NRG3: variants seen among roughly 807,000 people sequenced by gnomAD.
NRG3 encodes neuregulin 3.
Under a neutral mutation model 66.9 loss-of-function variants are expected in NRG3, and 31 were observed. That is an observed-to-expected ratio of 0.46 (90% CI 0.35 to 0.63). NRG3 has a LOEUF of 0.63. NRG3 is among the 20% of genes least tolerant of loss of function. The probability of loss-of-function intolerance (pLI) is 0.00; values close to 1 mark genes in which losing one functional copy is unlikely to be tolerated. For synonymous variants in NRG3, 393 were observed against 359.4 expected (o/e 1.09, Z -1.06); for missense variants, 910 against 878.9 (o/e 1.04, Z -0.45).
chr10:82,610,303 C>CAT (rs74503461), intron 2 of NRG3, among the ~76,000 whole-genome samples: 69,251 of 152,016 alleles, frequency 0.46, 17,478 homozygotes, highest in African/African-American at 0.66. Context: ...TGCAGAGACC[C>CAT]TCTTGCCGTG....
At chr10:82,465,374 G>A (rs1400650401) in intron 2 of NRG3, among the ~76,000 whole-genome samples, 1 of 152,206 alleles carries the variant, frequency 6.6e-6, no homozygotes, top group African/African-American at 2.4e-5. Flanking sequence ...CTCAGGAGAA[G>A]AGAGGACTTG....
chr10:82,811,403 C>A (rs912914390), intron 3 of NRG3, among the ~76,000 whole-genome samples: 2 of 152,156 alleles, frequency 1.3e-5, no homozygotes, highest in Admixed American at 1.3e-4. Flanking sequence ...GAAAGGGAGG[C>A]TTGTGGCGAC....
intron 2 of NRG3, among the ~76,000 whole-genome samples, chr10:82,725,435 A>G (rs373182210): frequency 2.5e-4 from 38 of 152,320 alleles, no homozygotes; most frequent in African/African-American, 7.5e-4. Flanking sequence ...TGAGCTCACT[A>G]TATCCCTTGT....
chr10:82,552,805 A>G (rs2044401091), intron 2 of NRG3, among the ~76,000 whole-genome samples: 1 of 152,174 alleles, frequency 6.6e-6, no homozygotes, highest in African/African-American at 2.4e-5. Context: ...AGACTTAGAG[A>G]AGTTAAGTGA....
intron 2 of NRG3, among the ~76,000 whole-genome samples, chr10:82,395,328 A>G (rs1009468557): frequency 4.6e-5 from 7 of 152,338 alleles, no homozygotes; most frequent in Middle Eastern, 3.4e-3. Flanking sequence ...AAGTAAGCAC[A>G]CAGAAAATTA....
At chr10:82,789,911 G>A (rs1283649296) in intron 3 of NRG3, among the ~76,000 whole-genome samples, 2 of 151,792 alleles carry the variant, frequency 1.3e-5, no homozygotes, top group Non-Finnish European at 2.9e-5. Context: ...AAACAATGTA[G>A]GAATTCAATA....
chr10:82,798,086 T>A (rs144335288), intron 3 of NRG3, among the ~76,000 whole-genome samples: 1,528 of 152,274 alleles, frequency 0.01, 30 homozygotes, highest in African/African-American at 0.035. Context: ...TGAGGCAATG[T>A]CTTTGAGAAC....
intron 1 of NRG3, among the ~76,000 whole-genome samples, chr10:81,982,449 AT>A (rs2060363933): frequency 6.6e-6 from 1 of 152,184 alleles, no homozygotes; most frequent in South Asian, 2.1e-4. Flanking sequence ...CTGCTTCCAC[AT>A]TTTTAGGTGT....
At chr10:82,073,535 T>C (rs1214267807) in intron 1 of NRG3, among the ~76,000 whole-genome samples, 1 of 152,132 alleles carries the variant, frequency 6.6e-6, no homozygotes, top group Non-Finnish European at 1.5e-5. Flanking sequence ...GTGACCTACA[T>C]TTTTGTCTCA....
Position 82,895,271 on chromosome 10 carries a change from A to G in NRG3, c.1054+29834A>G, listed in dbSNP as rs12246176. On this transcript the variant is annotated intron_variant, in intron 4 of 8. Coordinates refer to ENST00000372141, the MANE Select transcript of NRG3 (RefSeq NM_001010848.4). The stretch of plus-strand genomic sequence containing the variant: ...GCAGGGGGTGTGTCACTCATTTCAG[A>G]CCTCCAGCCCTTAGCACTGTTCCCC... Among the ~76,000 whole-genome samples, 249 of 152,010 alleles carry G rather than the reference A, an allele frequency of 1.6e-3. 2 individuals are homozygous for G. Among genetic ancestry groups the G allele is most frequent in the African/African-American group, 5.8e-3 (239 of 41,446 alleles).
At chr10:82,269,285 A>C (rs1236219131) in intron 1 of NRG3, among the ~76,000 whole-genome samples, 1 of 152,060 alleles carries the variant, frequency 6.6e-6, no homozygotes, top group Non-Finnish European at 1.5e-5. Context: ...AGTGATAGTT[A>C]ATTCTTGTTA....
chr10:82,464,140 C>T (rs1387374347), intron 2 of NRG3, among the ~76,000 whole-genome samples: 1 of 152,178 alleles, frequency 6.6e-6, no homozygotes, highest in African/African-American at 2.4e-5. Flanking sequence ...CAGTTGGTGC[C>T]ACTGCTATTG....
intron 3 of NRG3, among the ~76,000 whole-genome samples, chr10:82,798,748 A>C (rs1185751927): frequency 1.3e-5 from 2 of 152,252 alleles, no homozygotes; most frequent in Non-Finnish European, 2.9e-5. Flanking sequence ...GCTACTGTGT[A>C]TAAATGGAAA....
rs527364943 is a variant in NRG3, at chr10:82,581,164, T to TA, written c.954-157413_954-157412insA. On this transcript the variant is annotated intron_variant, in intron 2 of 8. Transcript: ENST00000372141. ...AATAAGTGTATAGTGGTATCTCATT[T>TA]TGCAATTCACTAATGACATGTGATG... is the stretch of plus-strand genomic sequence containing the variant. 2.5e-3 allele frequency among the ~76,000 whole-genome samples: 382 copies of TA among 152,150 alleles called. 1 individual carries two copies. The highest frequency in any genetic ancestry group is 8.9e-3 in the African/African-American group (371 of 41,566).
At chr10:82,873,836 C>T (rs756437080) in intron 4 of NRG3, among the ~76,000 whole-genome samples, 3 of 151,842 alleles carry the variant, frequency 2.0e-5, no homozygotes, top group African/African-American at 7.3e-5. Flanking sequence ...AATATTTTGT[C>T]GGTGATTTGA....
intron 1 of NRG3, among the ~76,000 whole-genome samples, chr10:82,123,267 A>C (rs556649120): frequency 5.9e-5 from 9 of 152,110 alleles, no homozygotes; most frequent in South Asian, 4.1e-4. Flanking sequence ...ATACTAGTTG[A>C]TTTTTCCCCT....
chr10:82,796,320 C>A (rs2060799528), intron 3 of NRG3, among the ~76,000 whole-genome samples: 2 of 152,138 alleles, frequency 1.3e-5, no homozygotes, highest in African/African-American at 4.8e-5. Flanking sequence ...CCGACTGGTA[C>A]CCCAGATTGT....
At chr10:82,926,731 AT>A (rs1386082843) in intron 4 of NRG3, among the ~76,000 whole-genome samples, 3 of 152,242 alleles carry the variant, frequency 2.0e-5, no homozygotes, top group African/African-American at 7.2e-5. Context: ...AGTAATTAAA[AT>A]TAACAAGTTT....
chr10:81,930,448 G>A (rs1847232420), intron 1 of NRG3, among the ~76,000 whole-genome samples: 1 of 151,934 alleles, frequency 6.6e-6, no homozygotes, highest in Non-Finnish European at 1.5e-5. Context: ...GTTTCTGAGA[G>A]GGTCTCAAAC....
Sources: gnomAD v4.1 joint callset for allele counts (sites outside exome capture counted in the v4.1 genomes callset) on GRCh38, gnomAD v4.1.1 for gene constraint, MANE v1.5 for transcripts, NCBI Gene and HGNC (gene_info 2026-07-23, HGNC 2026-07-21) for gene names.